Variants in DDX31 observed in about 807,000 individuals in gnomAD.
DDX31 encodes the protein ATP-dependent DNA helicase DDX31.
DDX31 carries 70 observed loss-of-function variants against 91.3 expected under a neutral mutation model. The ratio of observed to expected loss-of-function variants is 0.77; its 90% CI spans 0.63 to 0.94. The LOEUF is 0.94. Ranked by LOEUF, DDX31 falls within the 40% of genes least tolerant of loss-of-function variation. DDX31 has a pLI of 0.00. For synonymous variants in DDX31, 362 were observed against 350.6 expected (o/e 1.03, Z -0.36); for missense variants, 902 against 925.0 (o/e 0.98, Z 0.32).
chr9:132,650,939 G>T (rs1834143630), intron 8 of DDX31, 136 bp downstream of exon 8: 2 of 878,506 alleles, frequency 2.3e-6, no homozygotes, highest in East Asian at 5.3e-5. Flanking sequence ...CCTATAAACT[G>T]CCTAGAGAGA....
intron 13 of DDX31, among the ~76,000 whole-genome samples, chr9:132,643,989 C>T (rs1833660605): frequency 6.6e-6 from 1 of 151,718 alleles, no homozygotes; most frequent in African/African-American, 2.4e-5. Flanking sequence ...AACGTCTATC[C>T]AATGCTCATA....
chr9:132,664,975 A>G (rs1315953306), intron 1 of DDX31, among the ~76,000 whole-genome samples: 1 of 151,720 alleles, frequency 6.6e-6, no homozygotes, highest in African/African-American at 2.4e-5. Flanking sequence ...GCCTTTCCTG[A>G]CCTCTCTTCA....
intron 18 of DDX31, 137 bp downstream of exon 18, chr9:132,618,193 T>C (rs1589996385): frequency 3.4e-6 from 2 of 590,952 alleles, no homozygotes; most frequent in Non-Finnish European, 5.8e-6. Context: ...TGCAGAATTA[T>C]GGAGATTGAA....
chr9:132,658,619 A>G, intron 6 of DDX31, 52 bp downstream of exon 6: 1 of 1,496,184 alleles, frequency 6.7e-7, no homozygotes, highest in Non-Finnish European at 9.2e-7. Flanking sequence ...CTTCAGTTTG[A>G]TGGTTGCTTA....
intron 14 of DDX31, among the ~76,000 whole-genome samples, chr9:132,636,568 C>T (rs75277889): frequency 1.4e-3 from 206 of 152,294 alleles, no homozygotes; most frequent in African/African-American, 4.7e-3. Flanking sequence ...CCAAACACAG[C>T]GCAACAGTGA....
In DDX31 at chr9:132,645,935, C is replaced by T. The variant is rs141746751; in HGVS notation, c.1340G>A (p.Arg447Gln). 1.5e-5 allele frequency: 25 copies of T among 1,613,632 alleles called. No homozygotes were observed. Among genetic ancestry groups the T allele is most frequent in the Middle Eastern group, 1.7e-4 (1 of 6,048 alleles). ...ASGQLPSASM[R>Q]LKFLRLHGGM... ...GCCATGCAGCCGTAGGAATTTTAATCGCATGGAGGCAGATGGCAACTGCCC... is the reference window on the plus strand; with the variant it reads ...GCCATGCAGCCGTAGGAATTTTAATTGCATGGAGGCAGATGGCAACTGCCC... The change falls in exon 13 of 20, where the codon CGA becomes CAA. Residue 447 changes from arginine (R) to glutamine (Q), a missense_variant. Transcript: ENST00000372159.
intron 14 of DDX31, chr9:132,638,490 C>T (rs917791014): frequency 2.6e-5 from 34 of 1,330,506 alleles, no homozygotes; most frequent in Non-Finnish European, 3.3e-5. Flanking sequence ...CTCATCCCTA[C>T]TTCCTACTTA....
At chr9:132,642,232 C>A (rs1291163719) in intron 13 of DDX31, among the ~76,000 whole-genome samples, 169 bp from the exon 14 acceptor site, 1 of 152,174 alleles carries the variant, frequency 6.6e-6, no homozygotes, top group East Asian at 1.9e-4. Context: ...TCTAAGATGA[C>A]CCTGTACTTA....
Position 132,655,959 on chromosome 9 carries a change from T to C in DDX31, c.588+2712A>G, listed in dbSNP as rs1306758010. 2.0e-5 allele frequency among the ~76,000 whole-genome samples: 3 copies of C among 152,198 alleles called. No individual in the cohort carries two copies. In the South Asian group the frequency reaches 6.2e-4, roughly 32 times the overall value. On this transcript the variant is annotated intron_variant, in intron 6 of 19. Transcript: ENST00000372159. The stretch of plus-strand genomic sequence containing the variant: ...GAACGCAGGCTAGGAATGGTAAATA[T>C]GCTAGTACAACAGCAGCAACGTGCC...
intron 17 of DDX31, among the ~76,000 whole-genome samples, chr9:132,621,847 G>GT (rs960134798): frequency 6.6e-6 from 1 of 152,132 alleles, no homozygotes; most frequent in African/African-American, 2.4e-5. Flanking sequence ...ATTTAGTTTA[G>GT]TTTTTCTTTT....
At chr9:132,660,921 T>C (rs1440070244) in intron 4 of DDX31, among the ~76,000 whole-genome samples, 1 of 152,204 alleles carries the variant, frequency 6.6e-6, no homozygotes, top group Non-Finnish European at 1.5e-5. Context: ...TTTGGCCAAA[T>C]TCTTTTCAGG....
chr9:132,652,370 G>A (rs1395715521), intron 7 of DDX31, 78 bp downstream of exon 7: 37 of 1,571,018 alleles, frequency 2.4e-5, no homozygotes, highest in Non-Finnish European at 3.0e-5. Flanking sequence ...GAGAAACATG[G>A]TAAAACCACT....
chr9:132,633,707 AAAG>A (rs1832931712), intron 14 of DDX31, among the ~76,000 whole-genome samples: 2 of 152,226 alleles, frequency 1.3e-5, no homozygotes, highest in South Asian at 4.2e-4. Context: ...CAGGGGAGGA[AAAG>A]AAGAGGAAGG....
chr9:132,605,565 TA>T (rs1409559561), intron 19 of DDX31, among the ~76,000 whole-genome samples: 2 of 152,194 alleles, frequency 1.3e-5, no homozygotes, highest in African/African-American at 2.4e-5. Flanking sequence ...TTCTCTAAGC[TA>T]TACTTTCGAG....
At chr9:132,629,484 C>T (rs1356753739) in intron 16 of DDX31, among the ~76,000 whole-genome samples, 1 of 152,244 alleles carries the variant, frequency 6.6e-6, no homozygotes, top group Admixed American at 6.5e-5. Context: ...GACAGCCACA[C>T]ACGGCTCCTG....
Position 132,662,644 on chromosome 9 carries a change from C to G in DDX31, c.127G>C (p.Ala43Pro), listed in dbSNP as rs749656111. ...AATGAAGTTTCGTTCCTCCGTTTCG[C>G]TGGGGGAGCCTCACTGGACGCTTGG... ...KYQASSEAPPAKRRNETSFLP... is the reference protein window; with the variant it reads ...KYQASSEAPPPKRRNETSFLP... Residue 43 changes from alanine to proline, a missense_variant, in exon 2 of 20, where the codon GCG (alanine) becomes CCG (proline). Physicochemically the swap from Ala to Pro is conservative, Grantham distance 27 (BLOSUM62 -1). Coordinates refer to ENST00000372159, the MANE Select transcript of DDX31 (RefSeq NM_022779.9). The G allele has an allele frequency of 1.2e-6, 2 of 1,614,178 alleles. No homozygotes were observed. The highest frequency in any genetic ancestry group is 1.7e-6 in the Non-Finnish European group (2 of 1,180,028).
chr9:132,632,256 A>ACACACACACACACACACACACAGTCCTG (rs1832813722), intron 14 of DDX31, among the ~76,000 whole-genome samples, 165 bp from the exon 15 acceptor site: 4 of 109,024 alleles, frequency 3.7e-5, no homozygotes, highest in South Asian at 2.8e-4. Flanking sequence ...ACACACACAC[A>ACACACACACACACACACACACAGTCCTG]CACACACACA....
At chr9:132,629,129 G>A (rs923524735) in intron 16 of DDX31, among the ~76,000 whole-genome samples, 2 of 152,248 alleles carry the variant, frequency 1.3e-5, no homozygotes, top group East Asian at 3.8e-4. Flanking sequence ...GAGAAGCAGC[G>A]CTGGGTGAAA....
At chr9:132,607,634 C>T (rs1249832283) in intron 19 of DDX31, among the ~76,000 whole-genome samples, 1 of 152,202 alleles carries the variant, frequency 6.6e-6, no homozygotes, top group East Asian at 1.9e-4. Flanking sequence ...AGCAGACTTG[C>T]TCTTTCGTAC....
Sources: allele counts gnomAD v4.1 joint callset (sites outside exome capture counted in the v4.1 genomes callset), GRCh38; gene constraint gnomAD v4.1.1; transcripts MANE v1.5; gene names NCBI Gene and HGNC (gene_info 2026-07-23, HGNC 2026-07-21).